Variants in OAS3 observed in about 807,000 individuals in gnomAD.
The protein encoded by OAS3 is 2'-5'-oligoadenylate synthase 3.
OAS3 carries 107 observed loss-of-function variants against 113.0 expected under a neutral mutation model. That is an observed-to-expected ratio of 0.95 (90% CI 0.81 to 1.11). OAS3 has a LOEUF of 1.11. Ranked by LOEUF, OAS3 falls within the 50% of genes most tolerant of loss-of-function variation. The pLI, the probability that OAS3 is intolerant of heterozygous loss-of-function variation, is 0.00. For missense variants in OAS3, 1,258 were observed against 1,389.1 expected, an observed-to-expected ratio of 0.91 and a Z score of 1.50; for synonymous variants, 552 against 573.6, an observed-to-expected ratio of 0.96 and a Z score of 0.54.
intron 13 of OAS3, 78 bp downstream of exon 13, chr12:112,967,671 G>C: frequency 6.7e-7 from 1 of 1,487,198 alleles, no homozygotes; most frequent in African/African-American, 1.4e-5. Flanking sequence ...AGGAAGCAGG[G>C]CCCAGCCCTG....
chr12:112,945,968 G>A (rs2043724199), intron 3 of OAS3, among the ~76,000 whole-genome samples: 2 of 152,062 alleles, frequency 1.3e-5, no homozygotes, highest in Admixed American at 1.3e-4. Context: ...CTTCAGCCTG[G>A]GCAACAGAGT....
chr12:112,941,858 G>A lies in OAS3; in HGVS notation c.460+6G>A. 6.2e-7 allele frequency: 1 copy of A among 1,613,982 alleles called. No homozygotes were observed. The highest frequency in any genetic ancestry group is 8.5e-7 in the Non-Finnish European group (1 of 1,179,890). On this transcript the variant is annotated splice_donor_region_variant and intron_variant, in intron 2 of 15. Transcript: ENST00000228928. ...GCCTGCCTTCAATGTCCTGGGTGAG[G>A]GGTTCCTAGACCATTCCAGGGTTGG... is the stretch of plus-strand genomic sequence containing the variant.
rs2043913669 is a variant in OAS3, at chr12:112,964,232, C to T, written c.2230-3C>T. On this transcript the variant is annotated splice_region_variant and splice_polypyrimidine_tract_variant and intron_variant, in intron 10 of 15. Coordinates refer to ENST00000228928, the MANE Select transcript of OAS3 (RefSeq NM_006187.4). ...GCTGGCCCCACCTGGATTCTCTCTG[C>T]AGCCAGCCCTCCTTTACCAAACCCC... is the stretch of plus-strand genomic sequence containing the variant. 6.3e-7 allele frequency: 1 copy of T among 1,581,038 alleles called. No homozygotes were observed. Among genetic ancestry groups the T allele is most frequent in the East Asian group, 2.3e-5 (1 of 43,070 alleles).
chr12:112,968,325 G>T (rs2043954992), intron 14 of OAS3, 151 bp downstream of exon 14: 4 of 727,294 alleles, frequency 5.5e-6, no homozygotes, highest in African/African-American at 1.9e-5. Context: ...GGGACAAACG[G>T]TCAATTTTCT....
At chr12:112,961,820 G>T (rs972723035) in intron 8 of OAS3, among the ~76,000 whole-genome samples, 4 of 150,840 alleles carry the variant, frequency 2.7e-5, no homozygotes, top group Non-Finnish European at 5.9e-5. Flanking sequence ...TTTTGAGAAA[G>T]TGTCTCCCTT....
rs58792765 is a variant in OAS3, at chr12:112,939,306, C to CTTTTTT, written c.177+625_177+630dup. Among the ~76,000 whole-genome samples, 59 of 68,300 alleles carry CTTTTTT rather than the reference C, an allele frequency of 8.6e-4. 5 individuals are homozygous for CTTTTTT. Among genetic ancestry groups the CTTTTTT allele is most frequent in the African/African-American group, 3.1e-3 (56 of 18,278 alleles). 44.8% of individuals were successfully genotyped at this position (68,300 alleles called of 152,430 possible). On this transcript the variant is annotated intron_variant, in intron 1 of 15. Transcript: ENST00000228928. ...GCTAAATTACTACTCTGAGTCACAT[C>CTTTTTT]TTTTTTTTTTTTTTTTTTTTTTTTT... is the stretch of plus-strand genomic sequence containing the variant.
chr12:112,940,111 C>G (rs1755448816), intron 1 of OAS3, among the ~76,000 whole-genome samples: 1 of 152,188 alleles, frequency 6.6e-6, no homozygotes, highest in Non-Finnish European at 1.5e-5. Flanking sequence ...GAGCACGGTG[C>G]AATCTCCCTG....
In OAS3 at chr12:112,941,888, A is replaced by G. The variant is rs757955288; in HGVS notation, c.460+36A>G. The G allele has an allele frequency of 3.1e-6, 5 of 1,613,642 alleles. No homozygotes were observed. In the East Asian group the frequency reaches 8.9e-5, roughly 29 times the overall value. On this transcript the variant is annotated intron_variant, in intron 2 of 15. Coordinates refer to ENST00000228928, the MANE Select transcript of OAS3 (RefSeq NM_006187.4). Reference sequence around the variant, plus strand: ...CCTAGACCATTCCAGGGTTGGGGGCAAAAGATCATTGGGAACAACACAGGA... The same window carrying G: ...CCTAGACCATTCCAGGGTTGGGGGCGAAAGATCATTGGGAACAACACAGGA...
rs1357277309 is a variant in OAS3 at position 112,967,500 on chromosome 12, C to T, written c.2772C>T (p.Ser924=). The change falls in exon 13 of 16, where the codon TCC becomes TCT. Residue 924 remains serine (S), a synonymous_variant. Coordinates refer to ENST00000228928, the MANE Select transcript of OAS3 (RefSeq NM_006187.4). ...GCTACAGCAATGCGGGCGAGTACTC[C>T]ACCTGCTTCACAGAGCTACAACGGG... is the stretch of plus-strand genomic sequence containing the variant. ...IHSYSNAGEY[S]TCFTELQRDF... is the part of the protein sequence containing the mutation. 3.1e-6 allele frequency: 5 copies of T among 1,613,632 alleles called. No individual in the cohort carries two copies. Among genetic ancestry groups the T allele is most frequent in the Admixed American group, 1.7e-5 (1 of 59,970 alleles).
rs534204999 is a variant in OAS3, at chr12:112,966,903, G to A, written c.2690-515G>A. On this transcript the variant is annotated intron_variant, in intron 12 of 15. Coordinates refer to ENST00000228928, the MANE Select transcript of OAS3 (RefSeq NM_006187.4). ...ATATGATCCTCCTGCAGTGGCCTTCGAGAGTGCTGGGATTACAGACGTAAG... is the reference window on the plus strand; with the variant it reads ...ATATGATCCTCCTGCAGTGGCCTTCAAGAGTGCTGGGATTACAGACGTAAG... Among the ~76,000 whole-genome samples the A allele has an allele frequency of 6.6e-5, 10 of 152,256 alleles. 1 individual carries two copies. The South Asian group carries it at 1.7e-3, about 25-fold the overall frequency.
intron 14 of OAS3, 27 bp from the exon 15 acceptor site, chr12:112,969,580 TA>T: frequency 6.3e-7 from 1 of 1,582,226 alleles, no homozygotes; most frequent in Non-Finnish European, 8.6e-7. Flanking sequence ...TTGCCAGGAA[TA>T]AGACTGTCCC....
rs966674958 is a variant in OAS3 at position 112,954,727 on chromosome 12, T to C, written c.1657+3752T>C. ...TACAGTACCATGCTGTTTTGGTTAC[T>C]GTAGTATAGTTTGAAGTCAGGTAGC... On this transcript the variant is annotated intron_variant, in intron 7 of 15. Coordinates refer to ENST00000228928, the MANE Select transcript of OAS3 (RefSeq NM_006187.4). This position sits in a 1 kb window ranked among gnomAD's most constrained non-coding sequence, Gnocchi z 4.0. Among the ~76,000 whole-genome samples the C allele has an allele frequency of 1.3e-5, 2 of 152,218 alleles. No homozygotes were observed. Among genetic ancestry groups the C allele is most frequent in the Non-Finnish European group, 2.9e-5 (2 of 68,040 alleles).
intron 3 of OAS3, 90 bp downstream of exon 3, chr12:112,944,741 C>T (rs2043712357): frequency 7.5e-7 from 1 of 1,326,344 alleles, no homozygotes; most frequent in Non-Finnish European, 1.1e-6. Context: ...ATTTAGTGGC[C>T]ATTCATGTTC....
rs760110526 is a variant in OAS3 at position 112,950,683 on chromosome 12, C to T, written c.1375-10C>T. On this transcript the variant is annotated splice_polypyrimidine_tract_variant and intron_variant, in intron 6 of 15. Coordinates refer to ENST00000228928, the MANE Select transcript of OAS3 (RefSeq NM_006187.4). ...AGGGTCCCTGATCTGAGCTGTTCTT[C>T]CCTCCACAGGGGGGCTCATTTGGCC... 8 of 1,613,634 alleles carry T rather than the reference C, an allele frequency of 5.0e-6. No individual in the cohort carries two copies. The South Asian group carries it at 8.8e-5, about 18-fold the overall frequency.
At chr12:112,966,137 A>AT (rs2043931810) in intron 12 of OAS3, 108 bp downstream of exon 12, 3 of 1,090,436 alleles carry the variant, frequency 2.8e-6, no homozygotes. Flanking sequence ...TGTTCGCATC[A>AT]TTGCAGGCAT....
chr12:112,965,831 G>A lies in OAS3; in HGVS notation c.2491G>A (p.Glu831Lys), dbSNP rs1275443236. ...VFLSCFSQFT[E>K]QGNKRAEIIS... ...CCTCAGCTGCTTCAGCCAGTTCACT[G>A]AGCAGGGCAACAAGCGGGCCGAGAT... The change falls in exon 12 of 16, where the codon GAG (glutamate) becomes AAG (lysine). Residue 831 changes from glutamate (E) to lysine (K), a missense_variant. Transcript: ENST00000228928. 1.9e-6 allele frequency: 3 copies of A among 1,613,754 alleles called. No homozygotes were observed. Among genetic ancestry groups the A allele is most frequent in the Admixed American group, 1.7e-5 (1 of 60,000 alleles).
Position 112,963,382 on chromosome 12 carries a change from G to T in OAS3, c.2154G>T (p.Gln718His). Residue 718 changes from glutamine to histidine, a missense_variant, in exon 10 of 16, where the codon CAG (glutamine) becomes CAT (histidine). Gln to His is a conservative substitution (Grantham distance 24). Coordinates refer to ENST00000228928, the MANE Select transcript of OAS3 (RefSeq NM_006187.4). This position sits in a 1 kb window ranked among gnomAD's most constrained non-coding sequence, Gnocchi z 4.6. ...ACGGTAGCTGGGAGCTGTTGGCCCA[G>T]GAAGCAGCAGCGCTGGGGATGCAGG... ...VGHGSWELLA[Q>H]EAAALGMQAC... is the part of the protein sequence containing the mutation. 1 of 1,554,710 alleles carries T rather than the reference G, an allele frequency of 6.4e-7. No homozygotes were observed. Among genetic ancestry groups the T allele is most frequent in the Non-Finnish European group, 8.7e-7 (1 of 1,148,634 alleles).
At chr12:112,952,859 G>C (rs1001866814) in intron 7 of OAS3, among the ~76,000 whole-genome samples, 1 of 152,110 alleles carries the variant, frequency 6.6e-6, no homozygotes, top group African/African-American at 2.4e-5. Context: ...TCTGTTTTCT[G>C]TTTGCATGCA....
In OAS3 at chr12:112,941,848, C is replaced by G. The variant is rs753758777; in HGVS notation, c.456C>G (p.Val152=). 9.9e-6 allele frequency: 16 copies of G among 1,613,862 alleles called. No individual in the cohort carries two copies. The highest frequency in any genetic ancestry group is 1.4e-5 in the Non-Finnish European group (16 of 1,179,892). ...TTAGCCTGGTGCCTGCCTTCAATGT[C>G]CTGGGTGAGGGGTTCCTAGACCATT... The part of the protein sequence containing the change: ...MDVSLVPAFN[V]LGQAGSGVKP... Residue 152 remains valine (V), a synonymous_variant, in exon 2 of 16, where the codon GTC becomes GTG. Coordinates refer to ENST00000228928, the MANE Select transcript of OAS3 (RefSeq NM_006187.4).
Sources: gnomAD v4.1 joint callset for allele counts (sites outside exome capture counted in the v4.1 genomes callset) on GRCh38, gnomAD v4.1.1 for gene constraint, Gnocchi (gnomAD v3.1) non-coding constraint, MANE v1.5 for transcripts, NCBI Gene and HGNC (gene_info 2026-07-23, HGNC 2026-07-21) for gene names.